Variants in TRPM3 observed in about 807,000 individuals in gnomAD.
TRPM3 encodes transient receptor potential cation channel subfamily M member 3, also known as long transient receptor potential channel 3.
In TRPM3, 77 loss-of-function variants were observed where a neutral mutation model predicts 181.2. The observed-to-expected ratio is 0.42, with a 90% confidence interval of 0.35 to 0.51. The LOEUF is 0.51. TRPM3 is among the 20% of genes least tolerant of loss of function. TRPM3 has a pLI of 0.01. For missense variants in TRPM3, 1,759 were observed against 2,196.7 expected (o/e 0.80, Z 3.98); for synonymous variants, 745 against 796.4 (o/e 0.94, Z 1.09).
At chr9:71,399,285 T>A (rs1439438728) in intron 1 of TRPM3, among the ~76,000 whole-genome samples, 1 of 152,128 alleles carries the variant, frequency 6.6e-6, no homozygotes. Context: ...CCAAAGAATG[T>A]TCAAAGCACT....
chr9:70,739,684 C>T (rs2073584387), intron 8 of TRPM3, among the ~76,000 whole-genome samples: 1 of 152,014 alleles, frequency 6.6e-6, no homozygotes, highest in Non-Finnish European at 1.5e-5. Flanking sequence ...CATCTCAATT[C>T]ACTGCAACTT....
At chr9:71,155,031 T>C (rs2075915846) in intron 1 of TRPM3, among the ~76,000 whole-genome samples, 2 of 152,170 alleles carry the variant, frequency 1.3e-5, no homozygotes, top group Admixed American at 1.3e-4. Flanking sequence ...GAAAACATAG[T>C]ATTCTTCAGA....
rs17055877 is a variant in TRPM3, at chr9:70,818,402, G to T, written c.973+9445C>A. On this transcript the variant is annotated intron_variant, in intron 6 of 25. Transcript: ENST00000677713. ...AACTTGATTTATTAAATGATATCCT[G>T]GGCAATGCCCTCGAGTTAGAAGGCT... is the stretch of plus-strand genomic sequence containing the variant. 9.8e-3 allele frequency among the ~76,000 whole-genome samples: 1,488 copies of T among 152,248 alleles called. 10 individuals are homozygous for T. Among genetic ancestry groups the T allele is most frequent in the Non-Finnish European group, 0.016 (1,085 of 68,008 alleles).
intron 1 of TRPM3, among the ~76,000 whole-genome samples, chr9:71,306,412 C>T (rs1039029341): frequency 5.3e-5 from 8 of 152,124 alleles, no homozygotes; most frequent in South Asian, 2.1e-4. Flanking sequence ...TTTTTCATTT[C>T]CTCCTCTTGG....
chr9:71,034,753 ATT>A (rs201429802), intron 1 of TRPM3, among the ~76,000 whole-genome samples: 10 of 136,566 alleles, frequency 7.3e-5, no homozygotes, highest in Admixed American at 1.5e-4. Flanking sequence ...GGTCTTTACT[ATT>A]TTTTTTTTTT....
chr9:70,805,682 A>G (rs1048620039), intron 6 of TRPM3, among the ~76,000 whole-genome samples: 1 of 152,182 alleles, frequency 6.6e-6, no homozygotes. Context: ...TAATTCATAC[A>G]CCCTATAAGA....
chr9:70,617,990 AC>A (rs2063048612), intron 17 of TRPM3, among the ~76,000 whole-genome samples: 1 of 151,992 alleles, frequency 6.6e-6, no homozygotes, highest in African/African-American at 2.4e-5. Context: ...CAAAACAAAA[AC>A]CAAAAAACTC....
At chr9:71,157,188 C>T (rs953627166) in intron 1 of TRPM3, among the ~76,000 whole-genome samples, 1 of 152,030 alleles carries the variant, frequency 6.6e-6, no homozygotes, top group Non-Finnish European at 1.5e-5. Flanking sequence ...CAACAAAAAG[C>T]ATAACACCTA....
chr9:71,237,275 GT>G (rs567099870), intron 1 of TRPM3, among the ~76,000 whole-genome samples: 3 of 151,830 alleles, frequency 2.0e-5, no homozygotes, highest in African/African-American at 4.8e-5. Flanking sequence ...ATCAAACATT[GT>G]TTTTTTTCTG....
chr9:71,148,429 G>A (rs2075553230), intron 1 of TRPM3, among the ~76,000 whole-genome samples: 1 of 152,096 alleles, frequency 6.6e-6, no homozygotes, highest in Admixed American at 6.6e-5. Flanking sequence ...AATGTCTAAG[G>A]TGTGTTGGAT....
At chr9:71,141,896 G>A (rs1207506413) in intron 1 of TRPM3, among the ~76,000 whole-genome samples, 2 of 151,996 alleles carry the variant, frequency 1.3e-5, no homozygotes, top group Non-Finnish European at 2.9e-5. Context: ...TATTTTTGTT[G>A]CTGTACTTGT....
At chr9:71,375,930 A>G (rs1409718872) in intron 1 of TRPM3, among the ~76,000 whole-genome samples, 5 of 152,314 alleles carry the variant, frequency 3.3e-5, no homozygotes, top group Non-Finnish European at 4.4e-5. Flanking sequence ...CATAACACTT[A>G]TATGTACTGG....
At position 70,640,541 on chromosome 9, in the gene TRPM3, G is replaced by C. The variant is rs371545645; in HGVS notation, c.1446+19C>G. 5.0e-5 allele frequency: 81 copies of C among 1,606,574 alleles called. No individual in the cohort carries two copies. The African/African-American group carries it at 8.4e-4, about 17-fold the overall frequency. On this transcript the variant is annotated intron_variant, in intron 10 of 25. Coordinates refer to ENST00000677713, the MANE Select transcript of TRPM3 (RefSeq NM_001366145.2). ...GCCAACCAAAGTGGGCTTTTCATGG[G>C]AGACGATATATACTCTACCGGCCAC...
In TRPM3 at chr9:71,159,196, T is replaced by C. The variant is rs141526287; in HGVS notation, c.183+287457A>G. The stretch of plus-strand genomic sequence containing the variant: ...TACGGTGTGTGTGTGGGTATGTATG[T>C]GTCCAATTGGTTCTAATCGGTTCTT... On this transcript the variant is annotated intron_variant, in intron 1 of 24. Transcript: ENST00000357533. Among the ~76,000 whole-genome samples, 347 of 152,184 alleles carry C rather than the reference T, an allele frequency of 2.3e-3. 2 individuals are homozygous for C. Among genetic ancestry groups the C allele is most frequent in the Non-Finnish European group, 3.9e-3 (268 of 68,002 alleles).
intron 1 of TRPM3, among the ~76,000 whole-genome samples, chr9:71,282,713 T>C (rs1453480632): frequency 6.6e-6 from 1 of 152,214 alleles, no homozygotes; most frequent in African/African-American, 2.4e-5. Context: ...TGTTCTTACT[T>C]AGGAATATTA....
At chr9:71,123,847 A>C (rs1024883849), upstream of TRPM3, among the ~76,000 whole-genome samples, 8 of 152,118 alleles carry the variant, frequency 5.3e-5, no homozygotes, top group African/African-American at 1.9e-4. Flanking sequence ...CTGCTCCATG[A>C]AAATGCTGAA....
At chr9:70,628,557 C>A (rs1024133302) in intron 12 of TRPM3, among the ~76,000 whole-genome samples, 3 of 152,060 alleles carry the variant, frequency 2.0e-5, no homozygotes, top group African/African-American at 7.2e-5. Context: ...AGTGTGGGCT[C>A]ACACCTGTAA....
intron 1 of TRPM3, among the ~76,000 whole-genome samples, chr9:71,364,985 G>T (rs2092288849): frequency 6.6e-6 from 1 of 152,132 alleles, no homozygotes; most frequent in Non-Finnish European, 1.5e-5. Flanking sequence ...GCTGGTTTTA[G>T]CAATGTAGAC....
intron 1 of TRPM3, among the ~76,000 whole-genome samples, chr9:71,429,550 G>A (rs2093925636): frequency 6.6e-6 from 1 of 152,206 alleles, no homozygotes; most frequent in African/African-American, 2.4e-5. Context: ...AATCTGCCCT[G>A]TGTAGTTGGA....
Sources: gnomAD v4.1 joint callset for allele counts (sites outside exome capture counted in the v4.1 genomes callset) on GRCh38, gnomAD v4.1.1 for gene constraint, MANE v1.5 for transcripts, NCBI Gene and HGNC (gene_info 2026-07-23, HGNC 2026-07-21) for gene names.